NCKAP5: variants seen among roughly 807,000 people sequenced by gnomAD.
The protein encoded by NCKAP5 is NCK associated protein 5.
In NCKAP5, 92 loss-of-function variants were observed where a neutral mutation model predicts 167.0. The observed-to-expected ratio is 0.55, with a 90% confidence interval of 0.47 to 0.66. The LOEUF is 0.66. Ranked by LOEUF, NCKAP5 falls within the 30% of genes least tolerant of loss-of-function variation. The pLI, the probability that NCKAP5 is intolerant of heterozygous loss-of-function variation, is 0.00. For synonymous variants in NCKAP5, 891 were observed against 877.4 expected (o/e 1.02, Z -0.27); for missense variants, 2,378 against 2,315.0 (o/e 1.03, Z -0.56).
intron 2 of NCKAP5, among the ~76,000 whole-genome samples, chr2:133,548,135 A>G (rs1286729400): frequency 6.6e-6 from 1 of 150,722 alleles, no homozygotes; most frequent in Non-Finnish European, 1.5e-5. Context: ...TCAGCAATGG[A>G]AGATGAAATG....
chr2:133,146,311 G>A (rs1399895880), intron 5 of NCKAP5, among the ~76,000 whole-genome samples: 1 of 151,816 alleles, frequency 6.6e-6, no homozygotes, highest in Non-Finnish European at 1.5e-5. Flanking sequence ...AGCAAATCTA[G>A]ATAAAATTAA....
chr2:133,392,193 T>A (rs554884262), intron 3 of NCKAP5, among the ~76,000 whole-genome samples: 2 of 152,228 alleles, frequency 1.3e-5, no homozygotes, highest in South Asian at 2.1e-4. Flanking sequence ...TATAAAACCA[T>A]ACATGTACTG....
At chr2:133,546,886 G>A (rs1359866542) in intron 2 of NCKAP5, among the ~76,000 whole-genome samples, 5 of 152,306 alleles carry the variant, frequency 3.3e-5, no homozygotes, top group Non-Finnish European at 7.4e-5. Context: ...CAAGATGGCC[G>A]AATAGGAACA....
chr2:133,174,952 C>T (rs1367688904), intron 5 of NCKAP5, among the ~76,000 whole-genome samples: 1 of 152,120 alleles, frequency 6.6e-6, no homozygotes, highest in Non-Finnish European at 1.5e-5. Flanking sequence ...CTAAATTTCC[C>T]TACAGAAGAA....
At chr2:133,081,759 C>A (rs1350780953) in intron 6 of NCKAP5, among the ~76,000 whole-genome samples, 1 of 152,078 alleles carries the variant, frequency 6.6e-6, no homozygotes, top group African/African-American at 2.4e-5. Flanking sequence ...AAATGTGGAG[C>A]ATGGGAGAAA....
chr2:133,344,217 G>C (rs1429972439), intron 3 of NCKAP5, among the ~76,000 whole-genome samples: 2 of 152,106 alleles, frequency 1.3e-5, no homozygotes, highest in Non-Finnish European at 2.9e-5. Flanking sequence ...AGACCAGCCT[G>C]ACCAACATGG....
At chr2:132,730,898 G>A (rs1032319218) in intron 17 of NCKAP5, among the ~76,000 whole-genome samples, 1 of 152,220 alleles carries the variant, frequency 6.6e-6, no homozygotes, top group African/African-American at 2.4e-5. Context: ...ACTCAGCCAT[G>A]GGAATAGCCC....
intron 4 of NCKAP5, among the ~76,000 whole-genome samples, chr2:133,298,441 A>G (rs1177118464): frequency 6.6e-6 from 1 of 152,224 alleles, no homozygotes; most frequent in African/African-American, 2.4e-5. Context: ...AACTGTACAG[A>G]AAATTCTAAG....
the NCKAP5 span, among the ~76,000 whole-genome samples, chr2:133,626,916 T>C: frequency 6.6e-6 from 1 of 151,978 alleles, no homozygotes; most frequent in Non-Finnish European, 1.5e-5. Context: ...GAAAAATTAA[T>C]TTATACCATG....
intron 8 of NCKAP5, among the ~76,000 whole-genome samples, chr2:132,909,414 C>T (rs1282410831): frequency 6.6e-6 from 1 of 152,150 alleles, no homozygotes; most frequent in Non-Finnish European, 1.5e-5. Context: ...TCATGCCTTT[C>T]TTTCTCATTT....
the NCKAP5 span, among the ~76,000 whole-genome samples, chr2:133,583,817 G>A: frequency 7.2e-5 from 11 of 152,104 alleles, 1 homozygote; most frequent in African/African-American, 1.2e-4. Context: ...GTAGTGGCGC[G>A]ATCTCAGCTC....
intron 6 of NCKAP5, among the ~76,000 whole-genome samples, chr2:133,060,021 T>C (rs1447178935): frequency 6.6e-6 from 1 of 152,088 alleles, no homozygotes; most frequent in East Asian, 1.9e-4. Flanking sequence ...ATGACAGATA[T>C]TGCAGCCAGA....
rs138911199 is a variant in NCKAP5, at chr2:132,912,412, C to T, written c.580-33496G>A. ...TTCAGAATATATAGATAGATTTCAT[C>T]TGCAGAGCCTTCAACCCTCTGTGGA... On this transcript the variant is annotated intron_variant, in intron 8 of 19. Coordinates refer to ENST00000409261, the MANE Select transcript of NCKAP5 (RefSeq NM_207363.3). Among the ~76,000 whole-genome samples, 567 of 152,338 alleles carry T rather than the reference C, an allele frequency of 3.7e-3. 1 individual carries two copies. The highest frequency in any genetic ancestry group is 7.9e-3 in the South Asian group (38 of 4,830).
chr2:133,071,687 A>G (rs2080411259), intron 6 of NCKAP5, among the ~76,000 whole-genome samples: 1 of 152,242 alleles, frequency 6.6e-6, no homozygotes, highest in Non-Finnish European at 1.5e-5. Flanking sequence ...AGTAGAAAAT[A>G]GAATTTAAGC....
chr2:133,203,551 A>G (rs1032006030), intron 5 of NCKAP5, among the ~76,000 whole-genome samples: 2 of 152,182 alleles, frequency 1.3e-5, no homozygotes, highest in Admixed American at 1.3e-4. Flanking sequence ...ATTAAAAAAA[A>G]AGAAAGTTGT....
chr2:133,160,453 T>A (rs1445521154), intron 5 of NCKAP5, among the ~76,000 whole-genome samples: 2 of 143,546 alleles, frequency 1.4e-5, no homozygotes, highest in Admixed American at 1.4e-4. Context: ...TTTTTTTTTT[T>A]AGCAGCGTTT....
intron 4 of NCKAP5, among the ~76,000 whole-genome samples, chr2:133,251,989 C>A (rs960182048): frequency 7.9e-5 from 12 of 152,006 alleles, no homozygotes; most frequent in African/African-American, 2.7e-4. Flanking sequence ...CAGTCATAAC[C>A]CACTAAAATT....
intron 11 of NCKAP5, among the ~76,000 whole-genome samples, chr2:132,823,125 T>C (rs1369128601): frequency 6.6e-6 from 1 of 152,052 alleles, no homozygotes; most frequent in Non-Finnish European, 1.5e-5. Flanking sequence ...TTGGAAAACT[T>C]ATTTGTGGGA....
intron 3 of NCKAP5, among the ~76,000 whole-genome samples, chr2:133,332,994 A>G (rs1025850807): frequency 6.6e-6 from 1 of 152,266 alleles, no homozygotes; most frequent in African/African-American, 2.4e-5. Context: ...GTCTCAAGAA[A>G]TGAAACTTTG....
Sources: gnomAD v4.1 joint callset for allele counts (sites outside exome capture counted in the v4.1 genomes callset) on GRCh38, gnomAD v4.1.1 for gene constraint, MANE v1.5 for transcripts, NCBI Gene and HGNC (gene_info 2026-07-23, HGNC 2026-07-21) for gene names.